The following GLIS3 variants were observed in gnomAD, a reference collection of about 807,000 sequenced individuals.
GLIS3 encodes GLIS family zinc finger 3.
Under a neutral mutation model 78.6 loss-of-function variants are expected in GLIS3, and 53 were observed. The ratio of observed to expected loss-of-function variants is 0.67; its 90% CI spans 0.54 to 0.85. The LOEUF (loss-of-function observed/expected upper bound fraction) is 0.85, where lower values mean the gene tolerates loss of function less well. GLIS3 is among the 40% of genes least tolerant of loss of function. The pLI is 0.00. For synonymous variants in GLIS3, 684 were observed against 509.9 expected (o/e 1.34, Z -4.60); for missense variants, 1,703 against 1,231.1 (o/e 1.38, Z -5.74).
chr9:4,269,946 A>G lies in GLIS3; in HGVS notation c.388+16092T>C, dbSNP rs1404059984. ...ACTTAAAGATCAACTGTCTTTGTTTAGTCCTTTTCTCTAGGCAAAAATGCC... is the reference window on the plus strand; with the variant it reads ...ACTTAAAGATCAACTGTCTTTGTTTGGTCCTTTTCTCTAGGCAAAAATGCC... On this transcript the variant is annotated intron_variant, in intron 2 of 10. Transcript: ENST00000381971. 3.9e-5 allele frequency among the ~76,000 whole-genome samples: 6 copies of G among 152,216 alleles called. No homozygotes were observed. In the East Asian group the frequency reaches 1.2e-3, roughly 29 times the overall value.
At chr9:4,285,964 T>A (rs1268545794) in intron 2 of GLIS3, 74 bp downstream of exon 2, 8 of 1,548,034 alleles carry the variant, frequency 5.2e-6, no homozygotes, top group Non-Finnish European at 7.1e-6. Flanking sequence ...TCCATAGGAT[T>A]TGCTGGCAGA....
intron 4 of GLIS3, among the ~76,000 whole-genome samples, chr9:4,029,600 C>A (rs1823647776): frequency 6.6e-6 from 1 of 151,932 alleles, no homozygotes; most frequent in South Asian, 2.1e-4. Flanking sequence ...CCTCCCAAGC[C>A]CCCCACCACC....
At position 3,916,935 on chromosome 9, in the gene GLIS3, G is replaced by A. The variant is rs369709998; in HGVS notation, c.1983+15425C>T. Among the ~76,000 whole-genome samples, 67 of 152,278 alleles carry A rather than the reference G, an allele frequency of 4.4e-4. No individual in the cohort carries two copies. The South Asian group carries it at 0.014, about 31-fold the overall frequency. On this transcript the variant is annotated intron_variant, in intron 6 of 10. Coordinates refer to ENST00000381971, the MANE Select transcript of GLIS3 (RefSeq NM_001042413.2). ...AACTTGAACTAAAAGACAGCACAGG[G>A]AGTCTAAAGATGTACAATGCAAAAT... is the stretch of plus-strand genomic sequence containing the variant.
At chr9:3,929,971 T>A (rs920475338) in intron 6 of GLIS3, among the ~76,000 whole-genome samples, 1 of 152,190 alleles carries the variant, frequency 6.6e-6, no homozygotes, top group Admixed American at 6.5e-5. Flanking sequence ...AGTAACAACA[T>A]TGTACCATGT....
chr9:4,447,360 C>A, the GLIS3 span, among the ~76,000 whole-genome samples: 2 of 152,082 alleles, frequency 1.3e-5, no homozygotes, highest in Non-Finnish European at 2.9e-5. Flanking sequence ...CAGGAGTGAG[C>A]CACCATGCCT....
rs1819763438 is a variant in GLIS3 at position 3,856,038 on chromosome 9, G to A, written c.2444C>T (p.Ser815Phe). Reference protein sequence around the residue: ...LKSYQPETNSSFQPNGIHVHG... With the variant: ...LKSYQPETNSFFQPNGIHVHG... ...GACATGGATACCATTTGGTTGAAAA[G>A]AAGAGTTTGTTTCTGGCTGATAGGA... The change falls in exon 9 of 11, where the codon TCT becomes TTT. Residue 815 changes from serine (S) to phenylalanine (F), a missense_variant. Coordinates refer to ENST00000381971, the MANE Select transcript of GLIS3 (RefSeq NM_001042413.2). 3 of 1,614,184 alleles carry A rather than the reference G, an allele frequency of 1.9e-6. No homozygotes were observed. Among genetic ancestry groups the A allele is most frequent in the South Asian group, 1.1e-5 (1 of 91,090 alleles).
intron 2 of GLIS3, among the ~76,000 whole-genome samples, chr9:4,314,552 G>A (rs1817411444): frequency 6.6e-6 from 1 of 152,220 alleles, no homozygotes; most frequent in Non-Finnish European, 1.5e-5. Context: ...GAAAGTAAGG[G>A]ATCTTCTGTC....
chr9:4,431,169 C>T, the GLIS3 span, among the ~76,000 whole-genome samples: 1 of 152,206 alleles, frequency 6.6e-6, no homozygotes, highest in Non-Finnish European at 1.5e-5. Flanking sequence ...GAGCACATTC[C>T]TGTTTTGAGT....
chr9:3,898,880 C>G, intron 6 of GLIS3, 45 bp from the exon 7 acceptor site: 3 of 1,612,250 alleles, frequency 1.9e-6, no homozygotes, highest in Non-Finnish European at 2.5e-6. Context: ...AGAGCCGGTC[C>G]TTGGAATATT....
intron 2 of GLIS3, among the ~76,000 whole-genome samples, chr9:4,336,539 G>T (rs1422861374): frequency 1.3e-5 from 2 of 152,102 alleles, no homozygotes; most frequent in African/African-American, 4.8e-5. Flanking sequence ...CCTCACATGA[G>T]CCCTGAAACT....
chr9:4,089,020 A>C (rs1243637999), intron 4 of GLIS3, among the ~76,000 whole-genome samples: 2 of 152,372 alleles, frequency 1.3e-5, no homozygotes, highest in African/African-American at 4.8e-5. Context: ...GTGTTAAAAC[A>C]AAGCTGGTAG....
At chr9:3,958,088 T>G (rs1404282395) in intron 4 of GLIS3, among the ~76,000 whole-genome samples, 1 of 152,194 alleles carries the variant, frequency 6.6e-6, no homozygotes, top group African/African-American at 2.4e-5. Flanking sequence ...TCCACCAGAA[T>G]GTTTCAACAT....
the GLIS3 span, among the ~76,000 whole-genome samples, chr9:4,421,173 T>C: frequency 1.1e-4 from 16 of 152,170 alleles, no homozygotes; most frequent in South Asian, 2.1e-4. Context: ...GTCTTTCCAG[T>C]TGATATTCAT....
chr9:4,172,387 G>C (rs536760022), intron 2 of GLIS3, among the ~76,000 whole-genome samples: 3 of 152,264 alleles, frequency 2.0e-5, no homozygotes, highest in Admixed American at 6.5e-5. Context: ...TACTGAGTAA[G>C]ACACATGCAA....
intron 2 of GLIS3, among the ~76,000 whole-genome samples, chr9:4,189,343 T>C (rs1258625450): frequency 1.3e-5 from 2 of 152,244 alleles, no homozygotes; most frequent in Admixed American, 6.5e-5. Flanking sequence ...TCTAGTTTGA[T>C]TGCACTGTGG....
intron 4 of GLIS3, among the ~76,000 whole-genome samples, chr9:4,068,282 G>T (rs143049204): frequency 6.6e-6 from 1 of 151,656 alleles, no homozygotes; most frequent in African/African-American, 2.4e-5. Context: ...TTCAGCGCAA[G>T]AAAGTTATAG....
chr9:4,231,047 A>C (rs1822208518), intron 2 of GLIS3, among the ~76,000 whole-genome samples: 1 of 152,178 alleles, frequency 6.6e-6, no homozygotes, highest in Admixed American at 6.5e-5. Context: ...ACTCCAGCCT[A>C]GGCAAGAGAA....
chr9:4,005,162 T>C (rs1821442628), intron 4 of GLIS3, among the ~76,000 whole-genome samples: 1 of 152,242 alleles, frequency 6.6e-6, no homozygotes, highest in Non-Finnish European at 1.5e-5. Context: ...TGTCTTGAAA[T>C]AACTGTTGTA....
intron 4 of GLIS3, among the ~76,000 whole-genome samples, chr9:4,026,809 T>A (rs529558485): frequency 6.6e-6 from 1 of 152,210 alleles, no homozygotes; most frequent in Non-Finnish European, 1.5e-5. Flanking sequence ...AAAATTAACT[T>A]CTATTGGCCA....
Sources: allele counts gnomAD v4.1 joint callset (sites outside exome capture counted in the v4.1 genomes callset), GRCh38; gene constraint gnomAD v4.1.1; transcripts MANE v1.5; gene names NCBI Gene and HGNC (gene_info 2026-07-23, HGNC 2026-07-21).